The following BRINP2 variants were observed in gnomAD, a reference collection of about 807,000 sequenced individuals.
The protein encoded by BRINP2 is BMP/retinoic acid-inducible neural-specific protein 2.
In BRINP2, 21 loss-of-function variants were observed where a neutral mutation model predicts 69.2. The observed-to-expected ratio is 0.30, with a 90% CI of 0.22 to 0.44. The LOEUF (loss-of-function observed/expected upper bound fraction) is 0.44, where lower values mean the gene tolerates loss of function less well. BRINP2 is among the 20% of genes least tolerant of loss of function. BRINP2 has a pLI of 1.00. For synonymous variants in BRINP2, 380 were observed against 394.1 expected (o/e 0.96, Z 0.42); for missense variants, 877 against 986.0 (o/e 0.89, Z 1.48).
intron 2 of BRINP2, among the ~76,000 whole-genome samples, chr1:177,252,876 T>A (rs1650627316): frequency 6.6e-6 from 1 of 152,168 alleles, no homozygotes; most frequent in Admixed American, 6.5e-5. Flanking sequence ...TCCAGGTTCA[T>A]CCATGTTGCT....
At chr1:177,255,724 TAC>T (rs1650733642) in intron 2 of BRINP2, among the ~76,000 whole-genome samples, 193 bp from the exon 3 acceptor site, 1 of 152,046 alleles carries the variant, frequency 6.6e-6, no homozygotes, top group Non-Finnish European at 1.5e-5. Flanking sequence ...AGAGCTTTCT[TAC>T]AGCATGTGAA....
chr1:177,177,723 T>C (rs574063846), intron 1 of BRINP2, among the ~76,000 whole-genome samples: 28 of 152,338 alleles, frequency 1.8e-4, no homozygotes, highest in Admixed American at 3.9e-4. Flanking sequence ...TTCAGTTTTA[T>C]CATCTATAGA....
chr1:177,262,108 A>G (rs145702979), intron 4 of BRINP2, among the ~76,000 whole-genome samples: 1 of 152,332 alleles, frequency 6.6e-6, no homozygotes, highest in East Asian at 1.9e-4. Context: ...TCCTTTTGCT[A>G]TGAAGGCAAA....
intron 1 of BRINP2, among the ~76,000 whole-genome samples, chr1:177,182,962 T>C (rs1013630104): frequency 6.6e-6 from 1 of 152,018 alleles, no homozygotes; most frequent in African/African-American, 2.4e-5. Context: ...TGTTTTTCTT[T>C]TTTTTTCTTT....
At position 177,280,591 on chromosome 1, in the gene BRINP2, A is replaced by T. The variant is rs980075235; in HGVS notation, c.1415A>T (p.Asp472Val). The T allele has an allele frequency of 1.2e-6, 2 of 1,614,042 alleles. No individual in the cohort carries two copies. Among genetic ancestry groups the T allele is most frequent in the African/African-American group, 2.7e-5 (2 of 74,942 alleles). Residue 472 changes from aspartate (D) to valine (V), a missense_variant, in exon 8 of 8, where the codon GAC becomes GTC. Asp to Val is a radical substitution (Grantham distance 152). Coordinates refer to ENST00000361539, the MANE Select transcript of BRINP2 (RefSeq NM_021165.4). The stretch of plus-strand genomic sequence containing the variant: ...CCCGCGTGTGCCCACTGTGCTCCAG[A>T]CAATAGCACACGCTGTGGGAGCTGC... Reference protein sequence around the residue: ...EGPACAHCAPDNSTRCGSCNP... With the variant: ...EGPACAHCAPVNSTRCGSCNP...
intron 2 of BRINP2, among the ~76,000 whole-genome samples, chr1:177,243,616 A>C (rs1366458347): frequency 1.3e-5 from 2 of 152,240 alleles, no homozygotes; most frequent in Non-Finnish European, 2.9e-5. Context: ...AGATTGTTTC[A>C]TCAGGCTAGA....
intron 6 of BRINP2, among the ~76,000 whole-genome samples, chr1:177,276,722 A>G (rs1395241238): frequency 1.3e-5 from 2 of 152,212 alleles, no homozygotes; most frequent in African/African-American, 4.8e-5. Flanking sequence ...CTTTTTTGCT[A>G]CTGCTTCCAC....
rs189531058 is a variant in BRINP2 at position 177,172,007 on chromosome 1, C to T, written c.-77+275C>T. Among the ~76,000 whole-genome samples the T allele has an allele frequency of 1.2e-4, 18 of 152,224 alleles. No homozygotes were observed. In the East Asian group the frequency reaches 3.5e-3, roughly 29 times the overall value. Reference sequence around the variant, plus strand: ...CCCTGCCTGACCTATATTGCTTTTGCCTGGTTTAAGTCCTCAAAGTTAGTG... The same window carrying T: ...CCCTGCCTGACCTATATTGCTTTTGTCTGGTTTAAGTCCTCAAAGTTAGTG... On this transcript the variant is annotated intron_variant, in intron 1 of 7. Transcript: ENST00000361539.
intron 1 of BRINP2, among the ~76,000 whole-genome samples, chr1:177,209,646 A>G (rs1649168702): frequency 6.6e-6 from 1 of 152,218 alleles, no homozygotes; most frequent in Non-Finnish European, 1.5e-5. Context: ...AGTGTGAGAC[A>G]CTGAGATCCT....
At chr1:177,270,215 G>T (rs150803865) in intron 4 of BRINP2, among the ~76,000 whole-genome samples, 6 of 152,250 alleles carry the variant, frequency 3.9e-5, no homozygotes, top group African/African-American at 1.4e-4. Context: ...GTGTGTCAGA[G>T]CAGAATAGCA....
At chr1:177,223,155 G>A (rs975327436) in intron 1 of BRINP2, among the ~76,000 whole-genome samples, 1 of 152,118 alleles carries the variant, frequency 6.6e-6, no homozygotes, top group African/African-American at 2.4e-5. Context: ...CAGTTAGTTT[G>A]TCTCACCAAG....
chr1:177,218,875 C>G (rs12093301), intron 1 of BRINP2, among the ~76,000 whole-genome samples: 28,371 of 152,164 alleles, frequency 0.19, 3,033 homozygotes, highest in Middle Eastern at 0.25. Context: ...TGATGTTTCT[C>G]TGGGAGGAGT....
At position 177,278,580 on chromosome 1, in the gene BRINP2, C is replaced by T; in HGVS notation, c.1030C>T (p.Leu344=). The T allele has an allele frequency of 6.2e-7, 1 of 1,614,168 alleles. No individual in the cohort carries two copies. The change falls in exon 7 of 8, where the codon CTG becomes TTG. Residue 344 remains leucine, a synonymous_variant. Coordinates refer to ENST00000361539, the MANE Select transcript of BRINP2 (RefSeq NM_021165.4). ...GTCCACAGAAGAGTTCCAGGCCCTG[C>T]TGAAAAGGCTGCCCGATGACCGGTT... ...FEESEEFQAL[L]KRLPDDRFLN... is the part of the protein sequence containing the mutation.
chr1:177,274,082 C>T (rs1651419065), intron 5 of BRINP2, among the ~76,000 whole-genome samples: 2 of 152,106 alleles, frequency 1.3e-5, no homozygotes, highest in Admixed American at 6.5e-5. Context: ...TGAAGGTGGC[C>T]CCTGCTTTCT....
intron 4 of BRINP2, among the ~76,000 whole-genome samples, chr1:177,261,886 G>T (rs1343631076): frequency 6.6e-6 from 1 of 152,212 alleles, no homozygotes; most frequent in African/African-American, 2.4e-5. Context: ...ACAAAGCCAC[G>T]TGAAGAATGT....
chr1:177,183,137 C>CTTTT (rs71129597), intron 1 of BRINP2, among the ~76,000 whole-genome samples: 10 of 54,288 alleles, frequency 1.8e-4, no homozygotes, highest in East Asian at 5.3e-4. Flanking sequence ...AGTGTGTGAG[C>CTTTT]TTTTTTTTTT....
Position 177,230,151 on chromosome 1 carries a change from T to C in BRINP2, c.269+6T>C. ...ACCAGGTACAGGATTTATAGGTAAG[T>C]GGGGGCCTCCACTGAGACAGGGGCT... On this transcript the variant is annotated splice_donor_region_variant and intron_variant, in intron 2 of 7. Coordinates refer to ENST00000361539, the MANE Select transcript of BRINP2 (RefSeq NM_021165.4). 5 of 1,589,802 alleles carry C rather than the reference T, an allele frequency of 3.1e-6. No homozygotes were observed. The highest frequency in any genetic ancestry group is 1.7e-4 in the Middle Eastern group (1 of 5,952).
At chr1:177,174,241 C>T (rs1224111414) in intron 1 of BRINP2, among the ~76,000 whole-genome samples, 1 of 152,200 alleles carries the variant, frequency 6.6e-6, no homozygotes, top group Non-Finnish European at 1.5e-5. Flanking sequence ...GAACCAACCC[C>T]AGACTCCATG....
At chr1:177,267,282 GGT>G (rs1201600369) in intron 4 of BRINP2, among the ~76,000 whole-genome samples, 1 of 152,162 alleles carries the variant, frequency 6.6e-6, no homozygotes, top group Non-Finnish European at 1.5e-5. Context: ...CATACTCCCA[GGT>G]TATTCTTTTT....
Sources: allele counts gnomAD v4.1 joint callset (sites outside exome capture counted in the v4.1 genomes callset), GRCh38; gene constraint gnomAD v4.1.1; transcripts MANE v1.5; gene names NCBI Gene and HGNC (gene_info 2026-07-23, HGNC 2026-07-21).